Variants in IRS1 observed in about 807,000 individuals in gnomAD.
IRS1 encodes the protein insulin receptor substrate 1.
IRS1 carries 34 observed loss-of-function variants against 65.6 expected under a neutral mutation model. The observed-to-expected ratio is 0.52, with a 90% CI of 0.39 to 0.69. The LOEUF (loss-of-function observed/expected upper bound fraction) is 0.69. IRS1 is among the 30% of genes least tolerant of loss of function. IRS1 has a pLI of 0.00. For missense variants in IRS1, 1,641 were observed against 1,720.2 expected (o/e 0.95, Z 0.81); for synonymous variants, 699 against 683.5 (o/e 1.02, Z -0.35).
At chr2:226,740,837 A>G (rs1360798745) in intron 1 of IRS1, among the ~76,000 whole-genome samples, 3 of 152,210 alleles carry the variant, frequency 2.0e-5, no homozygotes, top group Non-Finnish European at 4.4e-5. Flanking sequence ...GTGCTTTAAA[A>G]AAATGACCGT....
chr2:226,784,547 C>T (rs2435187), intron 1 of IRS1, among the ~76,000 whole-genome samples: 1 of 152,102 alleles, frequency 6.6e-6, no homozygotes, highest in Non-Finnish European at 1.5e-5. Context: ...CTGAGCCTCC[C>T]GAGTAGCTGG....
chr2:226,760,495 G>A (rs1300063785), intron 1 of IRS1, among the ~76,000 whole-genome samples: 1 of 152,112 alleles, frequency 6.6e-6, no homozygotes, highest in Admixed American at 6.5e-5. Flanking sequence ...AATACATGCG[G>A]TCATAATTTT....
rs35699614 is a variant in IRS1, at chr2:226,751,274, A to ATTTTTT, written c.*22-15030_*22-15025dup. ...ATTCCTTAAAAGACTCCACACGGGTATTTTTTTTTTTTTTTTTTTTTTTTT... is the reference window on the plus strand; with the variant it reads ...ATTCCTTAAAAGACTCCACACGGGTATTTTTTTTTTTTTTTTTTTTTTTTTTTTTTT... On this transcript the variant is annotated intron_variant, in intron 1 of 1. Transcript: ENST00000305123. Among the ~76,000 whole-genome samples, 28 of 77,548 alleles carry ATTTTTT rather than the reference A, an allele frequency of 3.6e-4. 3 individuals are homozygous for ATTTTTT. The highest frequency in any genetic ancestry group is 2.9e-3 in the East Asian group (7 of 2,388). The allele number at this position is 77,548 out of a possible 152,430, so 50.9% of individuals were successfully genotyped here. A position where few individuals can be genotyped will look rare whatever the true frequency, so the allele number is the denominator to read the frequency against.
Position 226,799,429 on chromosome 2 carries a change from G to C in IRS1, c.-691C>G. 4 of 1,217,738 alleles carry C rather than the reference G, an allele frequency of 3.3e-6. No individual in the cohort carries two copies. The highest frequency in any genetic ancestry group is 7.8e-5 in the East Asian group (1 of 12,874). The allele number at this position is 1,217,738 out of a possible 1,614,324, so 75.4% of individuals were successfully genotyped here. ...GGCGCGTCCTCTGCAGCCCCCATCCGGGCCCATCTCGGCGGGTGGAGAAAG... is the reference window on the plus strand; with the variant it reads ...GGCGCGTCCTCTGCAGCCCCCATCCCGGCCCATCTCGGCGGGTGGAGAAAG... On this transcript the variant is annotated 5_prime_UTR_variant, in exon 1 of 2. Transcript: ENST00000305123. This position sits in a 1 kb window ranked among gnomAD's most constrained non-coding sequence, Gnocchi z 6.1.
At chr2:226,771,725 T>C (rs750126913) in intron 1 of IRS1, among the ~76,000 whole-genome samples, 1 of 152,110 alleles carries the variant, frequency 6.6e-6, no homozygotes, top group Non-Finnish European at 1.5e-5. Flanking sequence ...GCACTGGATC[T>C]CTCTGTCAAA....
chr2:226,785,976 G>A (rs546285571), intron 1 of IRS1, among the ~76,000 whole-genome samples: 1 of 141,552 alleles, frequency 7.1e-6, no homozygotes, highest in East Asian at 2.1e-4. Flanking sequence ...TCCCACCTAT[G>A]AGTGAGAACA....
At chr2:226,748,174 T>A (rs1231556273) in intron 1 of IRS1, among the ~76,000 whole-genome samples, 2 of 149,720 alleles carry the variant, frequency 1.3e-5, no homozygotes, top group Non-Finnish European at 3.0e-5. Context: ...ACACCTGTAA[T>A]ACCAGCACTT....
chr2:226,787,616 G>GA (rs1488927605), intron 1 of IRS1, among the ~76,000 whole-genome samples: 9 of 152,020 alleles, frequency 5.9e-5, no homozygotes, highest in East Asian at 1.9e-4. Flanking sequence ...GGAAGAACAA[G>GA]AAAAAATGGC....
At position 226,798,967 on chromosome 2, in the gene IRS1, C is replaced by A. The variant is rs1361722078; in HGVS notation, c.-229G>T. On this transcript the variant is annotated 5_prime_UTR_variant, in exon 1 of 2. Transcript: ENST00000305123. The surrounding 1 kb of genome is among the most constrained non-coding windows in gnomAD (Gnocchi z 9.4). ...ACCGGAGTTTTCGGGCGCTTCACGC[C>A]CGGCGGGGAGGCAGTGCGTCCGGGG... 1 of 1,442,850 alleles carries A rather than the reference C, an allele frequency of 6.9e-7. No individual in the cohort carries two copies. The highest frequency in any genetic ancestry group is 2.9e-5 in the Admixed American group (1 of 34,878). The allele number at this position is 1,442,850 out of a possible 1,614,324, so 89.4% of individuals were successfully genotyped here. A position where few individuals can be genotyped will look rare whatever the true frequency, so the allele number is the denominator to read the frequency against.
chr2:226,782,744 G>T (rs1820841), intron 1 of IRS1, among the ~76,000 whole-genome samples: 1 of 152,102 alleles, frequency 6.6e-6, no homozygotes, highest in Non-Finnish European at 1.5e-5. Context: ...CTCATGCCTG[G>T]AATCCCAGCA....
chr2:226,738,336 G>A (rs1938370136), intron 1 of IRS1, among the ~76,000 whole-genome samples: 1 of 152,112 alleles, frequency 6.6e-6, no homozygotes, highest in Admixed American at 6.5e-5. Flanking sequence ...CCTCTTGAAG[G>A]GAATGATCAT....
chr2:226,746,785 C>CT (rs1213711501), intron 1 of IRS1, among the ~76,000 whole-genome samples: 2,715 of 118,402 alleles, frequency 0.023, 93 homozygotes, highest in African/African-American at 0.039. Flanking sequence ...TAGCAGCATT[C>CT]TTTTTTTTTT....
At chr2:226,771,181 C>T (rs937722018) in intron 1 of IRS1, among the ~76,000 whole-genome samples, 1 of 152,094 alleles carries the variant, frequency 6.6e-6, no homozygotes, top group Non-Finnish European at 1.5e-5. Flanking sequence ...AATATGAGCA[C>T]ATTCTTGGTC....
At chr2:226,771,743 G>A (rs1402237258) in intron 1 of IRS1, among the ~76,000 whole-genome samples, 2 of 152,034 alleles carry the variant, frequency 1.3e-5, no homozygotes, top group Non-Finnish European at 2.9e-5. Flanking sequence ...AAAGAGTGCT[G>A]AGACTCAAGA....
At chr2:226,745,284 A>G (rs776568453) in intron 1 of IRS1, among the ~76,000 whole-genome samples, 3 of 152,214 alleles carry the variant, frequency 2.0e-5, no homozygotes, top group Non-Finnish European at 4.4e-5. Context: ...AATGCAATAA[A>G]TGTGTGTTTC....
At chr2:226,786,686 A>T (rs1402369661) in intron 1 of IRS1, among the ~76,000 whole-genome samples, 1 of 151,352 alleles carries the variant, frequency 6.6e-6, no homozygotes, top group Non-Finnish European at 1.5e-5. Flanking sequence ...ACCAAAAAAA[A>T]TTGGAAACTT....
chr2:226,762,614 G>T (rs1938938224), intron 1 of IRS1, among the ~76,000 whole-genome samples: 1 of 152,184 alleles, frequency 6.6e-6, no homozygotes, highest in Non-Finnish European at 1.5e-5. Flanking sequence ...AGAAATGGGT[G>T]TTCCAATAAG....
intron 1 of IRS1, among the ~76,000 whole-genome samples, chr2:226,753,518 C>T (rs1938724892): frequency 6.6e-6 from 1 of 152,160 alleles, no homozygotes; most frequent in African/African-American, 2.4e-5. Flanking sequence ...CAATCCTTTA[C>T]TAAACTGTTT....
At chr2:226,775,007 G>A (rs780854013) in intron 1 of IRS1, among the ~76,000 whole-genome samples, 1 of 152,126 alleles carries the variant, frequency 6.6e-6, no homozygotes, top group Non-Finnish European at 1.5e-5. Flanking sequence ...GCATGATACT[G>A]TAATGGTAAA....
Sources: allele counts gnomAD v4.1 joint callset (sites outside exome capture counted in the v4.1 genomes callset), GRCh38; gene constraint gnomAD v4.1.1; non-coding constraint Gnocchi (gnomAD v3.1); transcripts MANE v1.5; gene names NCBI Gene and HGNC (gene_info 2026-07-23, HGNC 2026-07-21).